SLIT1: variants seen among roughly 807,000 people sequenced by gnomAD.
The protein encoded by SLIT1 is slit guidance ligand 1, also known as slit homolog 1 protein.
A neutral mutation model predicts 186.1 loss-of-function variants in SLIT1; 66 were observed. That is an observed-to-expected ratio of 0.35 (90% CI 0.29 to 0.44). The LOEUF is 0.44. SLIT1 is among the 20% of genes least tolerant of loss of function. SLIT1 has a pLI of 1.00. For synonymous variants in SLIT1, 761 were observed against 833.8 expected, an observed-to-expected ratio of 0.91 and a Z score of 1.50; for missense variants, 1,638 against 2,037.4, an observed-to-expected ratio of 0.80 and a Z score of 3.77.
intron 8 of SLIT1, among the ~76,000 whole-genome samples, chr10:97,062,255 C>G (rs1373577744): frequency 6.6e-6 from 1 of 152,120 alleles, no homozygotes; most frequent in Non-Finnish European, 1.5e-5. Context: ...CAGTGCAGAG[C>G]ACAGCGGTGT....
intron 4 of SLIT1, among the ~76,000 whole-genome samples, chr10:97,090,348 G>A (rs183899631): frequency 1.2e-3 from 185 of 152,246 alleles, no homozygotes; most frequent in African/African-American, 4.2e-3. Flanking sequence ...TGGGAAGAGC[G>A]TCCCAGGCAG....
At chr10:97,181,850 C>T (rs1297771783) in intron 1 of SLIT1, among the ~76,000 whole-genome samples, 1 of 152,180 alleles carries the variant, frequency 6.6e-6, no homozygotes, top group Non-Finnish European at 1.5e-5. Flanking sequence ...CCCAGGATGC[C>T]CAGGGCTGGG....
At chr10:97,066,997 G>T (rs1848953342) in intron 4 of SLIT1, among the ~76,000 whole-genome samples, 1 of 152,208 alleles carries the variant, frequency 6.6e-6, no homozygotes, top group South Asian at 2.1e-4. Flanking sequence ...GTCTTATGCT[G>T]AGCAAGCTGA....
chr10:97,061,272 C>T (rs765416024), intron 8 of SLIT1, among the ~76,000 whole-genome samples: 26 of 152,138 alleles, frequency 1.7e-4, no homozygotes, highest in Admixed American at 2.0e-4. Flanking sequence ...ACAGAGTCCT[C>T]GATATTAATT....
intron 4 of SLIT1, 66 bp downstream of exon 4, chr10:97,157,752 T>C: frequency 8.1e-7 from 1 of 1,237,080 alleles, no homozygotes; most frequent in Admixed American, 1.7e-5. Context: ...GACCAAACAC[T>C]GTGCCTCCCA....
intron 4 of SLIT1, among the ~76,000 whole-genome samples, chr10:97,069,467 C>T (rs1848982665): frequency 1.3e-5 from 2 of 152,194 alleles, no homozygotes; most frequent in Non-Finnish European, 2.9e-5. Context: ...CTGGGGACCC[C>T]CAAAGACTTG....
Position 96,998,263 on chromosome 10 carries a change from A to AAAAT in SLIT1, c.*2845_*2848dup, listed in dbSNP as rs1848265388. 6.6e-6 allele frequency: 1 copy of AAAAT among 152,254 alleles called. No individual in the cohort carries two copies. 9.4% of individuals were successfully genotyped at this position (152,254 alleles called of 1,614,324 possible). On this transcript the variant is annotated 3_prime_UTR_variant, in exon 37 of 37. Coordinates refer to ENST00000266058, the MANE Select transcript of SLIT1 (RefSeq NM_003061.3). ...CGCTGGATGTTGACTTTAACATATA[A>AAAAT]AAATACTGTAACAAAATGAAATACA...
rs749905791 is a variant in SLIT1, at chr10:97,037,731, C to T, written c.2333G>A (p.Gly778Glu). ...CAGGTACTTGAAGGTAGACAGCTGTCCCGGAACCAGCGTGAACTGGTTCCC... is the reference window on the plus strand; with the variant it reads ...CAGGTACTTGAAGGTAGACAGCTGTTCCGGAACCAGCGTGAACTGGTTCCC... ...LDGNQFTLVP[G>E]QLSTFKYLQL... The change falls in exon 22 of 37, where the codon GGA becomes GAA. Residue 778 changes from glycine to glutamate, a missense_variant. By Grantham distance (98) the Gly-to-Glu change is moderately conservative. Around this residue, in one of 3 missense-constraint regions of SLIT1, gnomAD observed 1,245 missense variants for 1,535.3 expected, o/e 0.81. Coordinates refer to ENST00000266058, the MANE Select transcript of SLIT1 (RefSeq NM_003061.3). 1.9e-6 allele frequency: 3 copies of T among 1,610,166 alleles called. No homozygotes were observed. The highest frequency in any genetic ancestry group is 2.5e-6 in the Non-Finnish European group (3 of 1,176,866).
chr10:97,029,858 A>G (rs1400545315), intron 25 of SLIT1, among the ~76,000 whole-genome samples: 1 of 152,146 alleles, frequency 6.6e-6, no homozygotes, highest in African/African-American at 2.4e-5. Flanking sequence ...TGTTCTAGGT[A>G]CCTCATATAT....
intron 1 of SLIT1, among the ~76,000 whole-genome samples, chr10:97,167,827 A>G (rs1347376354): frequency 6.6e-6 from 1 of 152,204 alleles, no homozygotes; most frequent in Non-Finnish European, 1.5e-5. Context: ...TGGTTTTAAA[A>G]AGGGCAGTTC....
chr10:97,112,833 A>G (rs890967322), intron 4 of SLIT1, among the ~76,000 whole-genome samples: 2 of 152,076 alleles, frequency 1.3e-5, no homozygotes, highest in Non-Finnish European at 2.9e-5. Context: ...AGCTGGGTCC[A>G]CAGGAACATG....
intron 4 of SLIT1, among the ~76,000 whole-genome samples, chr10:97,138,649 G>GTTT (rs143674794): frequency 3.4e-5 from 2 of 58,958 alleles, no homozygotes; most frequent in African/African-American, 4.0e-5. Context: ...GTAGGAAACT[G>GTTT]TTTTTTTTTT....
At chr10:97,103,485 C>A (rs1849381295) in intron 4 of SLIT1, 2 of 152,214 alleles carry the variant, frequency 1.3e-5, no homozygotes, top group African/African-American at 4.8e-5. Flanking sequence ...ACTTCCAAGG[C>A]CCCTTGGTGA....
chr10:97,158,277 C>A (rs1398912933), intron 3 of SLIT1, among the ~76,000 whole-genome samples: 1 of 152,160 alleles, frequency 6.6e-6, no homozygotes, highest in Non-Finnish European at 1.5e-5. Flanking sequence ...GGAGACATAC[C>A]CTAATGGCCA....
chr10:97,102,563 C>T (rs965203284), intron 4 of SLIT1: 3 of 152,074 alleles, frequency 2.0e-5, no homozygotes, highest in African/African-American at 4.8e-5. Flanking sequence ...CAGAGGCCAT[C>T]GCAGACTGTC....
chr10:97,062,466 C>T (rs1848902128), intron 8 of SLIT1, among the ~76,000 whole-genome samples: 2 of 152,232 alleles, frequency 1.3e-5, no homozygotes, highest in African/African-American at 4.8e-5. Context: ...GAGAACTGTC[C>T]CTTCATTCAG....
chr10:97,064,630 T>A (rs1334136497), intron 6 of SLIT1, among the ~76,000 whole-genome samples, 175 bp downstream of exon 6: 1 of 152,128 alleles, frequency 6.6e-6, no homozygotes, highest in Non-Finnish European at 1.5e-5. Context: ...TGGGGCACAC[T>A]ACTTGCTGCA....
Position 97,004,036 on chromosome 10 carries a change from CAA to C in SLIT1, c.3865+30_3865+31del. 6.3e-7 allele frequency: 1 copy of C among 1,581,986 alleles called. No homozygotes were observed. The highest frequency in any genetic ancestry group is 1.3e-5 in the African/African-American group (1 of 74,410). On this transcript the variant is annotated intron_variant, in intron 34 of 36. Coordinates refer to ENST00000266058, the MANE Select transcript of SLIT1 (RefSeq NM_003061.3). The surrounding 1 kb of genome is among the most constrained non-coding windows in gnomAD (Gnocchi z 5.1). ...TCCTGGCTGGCCTCAGGCCAGACAG[CAA>C]AAGAGGCCCCGCCAGGGCCAGGTCC...
chr10:97,060,573 C>T, intron 9 of SLIT1, 67 bp downstream of exon 9: 7 of 1,593,802 alleles, frequency 4.4e-6, no homozygotes, highest in Non-Finnish European at 5.1e-6. Context: ...TCCAGCTCTT[C>T]ACTGGCCCTC....
Sources: allele counts gnomAD v4.1 joint callset (sites outside exome capture counted in the v4.1 genomes callset), GRCh38; gene constraint gnomAD v4.1.1; regional missense constraint gnomAD v4.1.1; non-coding constraint Gnocchi (gnomAD v3.1); transcripts MANE v1.5; gene names NCBI Gene and HGNC (gene_info 2026-07-23, HGNC 2026-07-21).